Variants in PEG3 observed in about 807,000 individuals in gnomAD.
The protein encoded by PEG3 is paternally expressed 3.
PEG3 carries 23 observed loss-of-function variants against 35.5 expected under a neutral mutation model. The ratio of observed to expected loss-of-function variants is 0.65; its 90% CI spans 0.47 to 0.92. PEG3 has a LOEUF of 0.92. PEG3 is among the 40% of genes least tolerant of loss of function. The pLI is 0.00. For synonymous variants in PEG3, 707 were observed against 697.0 expected (o/e 1.01, Z -0.23); for missense variants, 1,960 against 1,985.3 (o/e 0.99, Z 0.24).
chr19:56,814,344 A>AGCT lies in PEG3; in HGVS notation c.4095_4097dup (p.Ala1371dup), dbSNP rs1568616994. The stretch of plus-strand genomic sequence containing the variant: ...CAACTTCCTGGGCTGCTGCTGCTGC[A>AGCT]GCTGCTGCTGCTTCATCTTCTTCTT... On this transcript the variant is annotated inframe_insertion, in exon 10 of 10. Coordinates refer to ENST00000326441, the MANE Select transcript of PEG3 (RefSeq NM_006210.3). The surrounding 1 kb of genome is among the most constrained non-coding windows in gnomAD (Gnocchi z 5.8). 3.1e-6 allele frequency: 5 copies of AGCT among 1,613,302 alleles called. No homozygotes were observed. In the East Asian group the frequency reaches 6.7e-5, roughly 22 times the overall value.
At position 56,813,770 on chromosome 19, in the gene PEG3, G is replaced by C. The variant is rs774933914; in HGVS notation, c.4672C>G (p.Gln1558Glu). 6.2e-6 allele frequency: 10 copies of C among 1,614,128 alleles called. No individual in the cohort carries two copies. The highest frequency in any genetic ancestry group is 5.5e-5 in the South Asian group (5 of 91,074). ...CATTTGAAGTACTTCTCATCAGCTT[G>C]ATTGGCACCACCTGTGCTGGTGCTG... is the stretch of plus-strand genomic sequence containing the variant. ...RASTSTGGAN[Q>E]ADEKYFKCDV... The change falls in exon 10 of 10, where the codon CAA (glutamine) becomes GAA (glutamate). Residue 1558 changes from glutamine to glutamate, a missense_variant. Coordinates refer to ENST00000326441, the MANE Select transcript of PEG3 (RefSeq NM_006210.3).
intron 1 of PEG3, among the ~76,000 whole-genome samples, chr19:56,840,081 C>T (rs1401018639): frequency 1.3e-5 from 2 of 152,236 alleles, no homozygotes; most frequent in Non-Finnish European, 2.9e-5. Flanking sequence ...CCGATGGCAC[C>T]CCGCAGGAAG....
Position 56,816,435 on chromosome 19 carries a change from A to G in PEG3, c.2007T>C (p.Gly669=), listed in dbSNP as rs774687269. 1 of 1,613,968 alleles carries G rather than the reference A, an allele frequency of 6.2e-7. No individual in the cohort carries two copies. The highest frequency in any genetic ancestry group is 8.5e-7 in the Non-Finnish European group (1 of 1,179,958). ...TTTTCTGACGCCTTTTAAGGGACTGACCAGGAATAAAGGTTTCCTCACACA... is the reference window on the plus strand; with the variant it reads ...TTTTCTGACGCCTTTTAAGGGACTGGCCAGGAATAAAGGTTTCCTCACACA... ...GKVCEETFIP[G]QSLKRRQKTY... Residue 669 remains glycine, a synonymous_variant, in exon 10 of 10, where the codon GGT becomes GGC. Coordinates refer to ENST00000326441, the MANE Select transcript of PEG3 (RefSeq NM_006210.3).
Position 56,814,828 on chromosome 19 carries a change from G to C in PEG3, c.3614C>G (p.Pro1205Arg), listed in dbSNP as rs1382203073. The change falls in exon 10 of 10, where the codon CCC (proline) becomes CGC (arginine). Residue 1205 changes from proline (P) to arginine (R), a missense_variant. By Grantham distance (103) the Pro-to-Arg change is moderately radical. Coordinates refer to ENST00000326441, the MANE Select transcript of PEG3 (RefSeq NM_006210.3). The surrounding 1 kb of genome is among the most constrained non-coding windows in gnomAD (Gnocchi z 5.8). Reference sequence around the variant, plus strand: ...AGCACGATTCCTCCGTGGCTTCATGGGCAAGAGGGCAATAAAACCATCATC... The same window carrying C: ...AGCACGATTCCTCCGTGGCTTCATGCGCAAGAGGGCAATAAAACCATCATC... ...GCDDGFIALL[P>R]MKPRRNRAAE... 1 of 1,614,012 alleles carries C rather than the reference G, an allele frequency of 6.2e-7. No individual in the cohort carries two copies. The highest frequency in any genetic ancestry group is 8.5e-7 in the Non-Finnish European group (1 of 1,180,028).
chr19:56,835,668 G>A (rs1415863402), intron 2 of PEG3, among the ~76,000 whole-genome samples: 1 of 152,178 alleles, frequency 6.6e-6, no homozygotes, highest in Non-Finnish European at 1.5e-5. Context: ...TTCCCCCATT[G>A]GGGCTATGTC....
chr19:56,828,649 G>T (rs1359840086), intron 2 of PEG3, among the ~76,000 whole-genome samples: 1 of 152,064 alleles, frequency 6.6e-6, no homozygotes, highest in Non-Finnish European at 1.5e-5. Flanking sequence ...AAAAGGGAGG[G>T]GGAAAAGTAT....
At chr19:56,827,064 G>A (rs1279548503) in intron 2 of PEG3, among the ~76,000 whole-genome samples, 1 of 152,080 alleles carries the variant, frequency 6.6e-6, no homozygotes, top group Non-Finnish European at 1.5e-5. Flanking sequence ...CACTAGGGAA[G>A]AAATCTAAAA....
At chr19:56,838,655 T>C (rs1001742484) in intron 1 of PEG3, among the ~76,000 whole-genome samples, 5 of 152,226 alleles carry the variant, frequency 3.3e-5, no homozygotes, top group African/African-American at 9.6e-5. Flanking sequence ...CCCGTCACCC[T>C]GTCCTTAAGC....
At chr19:56,820,911 C>A (rs1430123473) in intron 7 of PEG3, among the ~76,000 whole-genome samples, 1 of 152,134 alleles carries the variant, frequency 6.6e-6, no homozygotes, top group African/African-American at 2.4e-5. Flanking sequence ...ATGGCTTCTC[C>A]CTTCTTTGAG....
At chr19:56,818,305 T>C (rs2060169422) in intron 8 of PEG3, among the ~76,000 whole-genome samples, 1 of 152,158 alleles carries the variant, frequency 6.6e-6, no homozygotes, top group African/African-American at 2.4e-5. Context: ...CCTGAATGTC[T>C]ACTTAAAAAC....
Position 56,814,460 on chromosome 19 carries a change from C to T in PEG3, c.3982G>A (p.Ala1328Thr), listed in dbSNP as rs1293251763. 1.2e-6 allele frequency: 2 copies of T among 1,613,858 alleles called. No homozygotes were observed. Among genetic ancestry groups the T allele is most frequent in the African/African-American group, 1.3e-5 (1 of 75,014 alleles). The change falls in exon 10 of 10, where the codon GCT (alanine) becomes ACT (threonine). Residue 1328 changes from alanine (A) to threonine (T), a missense_variant. By Grantham distance (58) the Ala-to-Thr change is moderately conservative (BLOSUM62 0). Transcript: ENST00000326441. This position sits in a 1 kb window ranked among gnomAD's most constrained non-coding sequence, Gnocchi z 5.8. ...TSFLTEPLKG[A>T]IPFYECKDCG... Reference sequence around the variant, plus strand: ...TCCTTGCATTCATAGAATGGTATAGCTCCTTTGAGGGGCTCAGTAAGAAAT... The same window carrying T: ...TCCTTGCATTCATAGAATGGTATAGTTCCTTTGAGGGGCTCAGTAAGAAAT...
In PEG3 at chr19:56,823,013, G is replaced by A. The variant is rs187152287; in HGVS notation, c.482-177C>T. ...CTGGCCCCTTCTTTATCATATACCC[G>A]CAACATGGTTTCTGCAGGCTTTGCC... is the stretch of plus-strand genomic sequence containing the variant. On this transcript the variant is annotated intron_variant, in intron 5 of 9. Transcript: ENST00000326441. Among the ~76,000 whole-genome samples, 34 of 152,216 alleles carry A rather than the reference G, an allele frequency of 2.2e-4. No individual in the cohort carries two copies. The East Asian group carries it at 3.5e-3, about 16-fold the overall frequency.
chr19:56,824,220 T>C, intron 4 of PEG3, 42 bp downstream of exon 4: 3 of 1,592,080 alleles, frequency 1.9e-6, no homozygotes, highest in South Asian at 1.1e-5. Context: ...AGGGGACACC[T>C]GAGGCCTGCA....
At chr19:56,823,751 G>C (rs1256432877) in intron 4 of PEG3, 72 bp from the exon 5 acceptor site, 6 of 1,536,678 alleles carry the variant, frequency 3.9e-6, no homozygotes, top group Non-Finnish European at 5.4e-6. Context: ...CAATCCCTGA[G>C]CCGCATCTCC....
At chr19:56,829,665 T>A (rs1384988363) in intron 2 of PEG3, among the ~76,000 whole-genome samples, 1 of 152,220 alleles carries the variant, frequency 6.6e-6, no homozygotes, top group Non-Finnish European at 1.5e-5. Context: ...GCTGCCTTCC[T>A]GGCCGAGTGG....
intron 4 of PEG3, 152 bp downstream of exon 4, chr19:56,824,110 C>A: frequency 1.5e-6 from 2 of 1,329,644 alleles, no homozygotes; most frequent in South Asian, 3.1e-5. Flanking sequence ...AATCATGATG[C>A]AGCTCAATAT....
At position 56,824,249 on chromosome 19, in the gene PEG3, T is replaced by G. The variant is rs2060801678; in HGVS notation, c.394+13A>C. 1.2e-6 allele frequency: 2 copies of G among 1,611,686 alleles called. No homozygotes were observed. The highest frequency in any genetic ancestry group is 2.2e-5 in the South Asian group (2 of 90,932). On this transcript the variant is annotated intron_variant, in intron 4 of 9. Coordinates refer to ENST00000326441, the MANE Select transcript of PEG3 (RefSeq NM_006210.3). ...GCCTGCACTGACCACCAACACCCCG[T>G]GGAGACTCTCACCTTCTGGTTGGTA...
At chr19:56,818,739 T>C (rs1458822452) in intron 7 of PEG3, 37 bp from the exon 8 acceptor site, 1 of 1,605,368 alleles carries the variant, frequency 6.2e-7, no homozygotes, top group Admixed American at 1.7e-5. Context: ...ATGGAGTCTG[T>C]CCCCACCGAT....
In PEG3 at chr19:56,812,984, G is replaced by A; in HGVS notation, c.*691C>T. 2.0e-6 allele frequency: 2 copies of A among 985,720 alleles called. No homozygotes were observed. The highest frequency in any genetic ancestry group is 3.5e-5 in the African/African-American group (2 of 57,340). The allele number at this position is 985,720 out of a possible 1,614,324, so 61.1% of individuals were successfully genotyped here. ...TCCAAAGTGTTGGCGCAGATGAAAT[G>A]GCTGCAGAAAGAAGCTAAAGTACTT... is the stretch of plus-strand genomic sequence containing the variant. On this transcript the variant is annotated 3_prime_UTR_variant, in exon 10 of 10. Coordinates refer to ENST00000326441, the MANE Select transcript of PEG3 (RefSeq NM_006210.3).
Sources: allele counts gnomAD v4.1 joint callset (sites outside exome capture counted in the v4.1 genomes callset), GRCh38; gene constraint gnomAD v4.1.1; non-coding constraint Gnocchi (gnomAD v3.1); transcripts MANE v1.5; gene names NCBI Gene and HGNC (gene_info 2026-07-23, HGNC 2026-07-21).